ACO2: variants seen among roughly 807,000 people sequenced by gnomAD.
The protein encoded by ACO2 is aconitase 2, also known as aconitate hydratase, mitochondrial.
A neutral mutation model predicts 84.5 loss-of-function variants in ACO2; 31 were observed. That is an observed-to-expected ratio of 0.37 (90% CI 0.28 to 0.50). The LOEUF (loss-of-function observed/expected upper bound fraction) is 0.50, where lower values mean the gene tolerates loss of function less well. ACO2 is among the 20% of genes least tolerant of loss of function. The pLI is 0.97. For missense variants in ACO2, 685 were observed against 1,029.3 expected (o/e 0.67, Z 4.58); for synonymous variants, 414 against 412.7 (o/e 1.00, Z -0.04).
intron 1 of ACO2, among the ~76,000 whole-genome samples, chr22:41,485,541 C>T (rs57116575): frequency 0.012 from 1,757 of 150,046 alleles, 37 homozygotes; most frequent in African/African-American, 0.041. Flanking sequence ...CTCAGGTTCA[C>T]GCCATTCTCC....
chr22:41,483,794 A>G (rs1324264801), intron 1 of ACO2, among the ~76,000 whole-genome samples: 3 of 152,188 alleles, frequency 2.0e-5, no homozygotes, highest in South Asian at 2.1e-4. Context: ...GATGGCAGAT[A>G]CTTGAGGATG....
At chr22:41,484,640 G>C (rs1003862139) in intron 1 of ACO2, among the ~76,000 whole-genome samples, 7 of 151,366 alleles carry the variant, frequency 4.6e-5, no homozygotes, top group African/African-American at 1.7e-4. Flanking sequence ...GCCTCTCAAA[G>C]TGCTGGAATT....
At position 41,518,627 on chromosome 22, in the gene ACO2, G is replaced by T. The variant is rs560611823; in HGVS notation, c.1032+55G>T. On this transcript the variant is annotated intron_variant, in intron 8 of 17. Transcript: ENST00000216254. ...GTTTCTGAGAGTAGTGGGGAGCAGG[G>T]CGGGTCCTGCCTAAATACTCACTGA... 6.5e-6 allele frequency: 9 copies of T among 1,378,760 alleles called. No homozygotes were observed. The African/African-American group carries it at 1.3e-4, about 20-fold the overall frequency. 85.4% of individuals were successfully genotyped at this position (1,378,760 alleles called of 1,614,324 possible).
Position 41,515,343 on chromosome 22 carries a change from G to A in ACO2, c.526-34G>A, listed in dbSNP as rs770924492. On this transcript the variant is annotated intron_variant, in intron 4 of 17. Coordinates refer to ENST00000216254, the MANE Select transcript of ACO2 (RefSeq NM_001098.3). This position sits in a 1 kb window ranked among gnomAD's most constrained non-coding sequence, Gnocchi z 5.8. The stretch of plus-strand genomic sequence containing the variant: ...CATTTTTTGGTATTCTCGGCTGAGG[G>A]CTTCTAAATATAACATCTTGGATTA... 2 of 1,611,746 alleles carry A rather than the reference G, an allele frequency of 1.2e-6. No homozygotes were observed. Among genetic ancestry groups the A allele is most frequent in the Non-Finnish European group, 1.7e-6 (2 of 1,179,734 alleles).
At chr22:41,518,279 T>G (rs2066491525) in intron 7 of ACO2, among the ~76,000 whole-genome samples, 1 of 152,230 alleles carries the variant, frequency 6.6e-6, no homozygotes, top group Non-Finnish European at 1.5e-5. Flanking sequence ...GCGCTCCTCC[T>G]CTGTGTCTCC....
intron 15 of ACO2, 137 bp downstream of exon 15, chr22:41,526,590 G>A: frequency 1.0e-6 from 1 of 957,536 alleles, no homozygotes; most frequent in African/African-American, 1.7e-5. Context: ...GTGGAAGGGA[G>A]GAGAGGCCTG....
chr22:41,485,776 C>T (rs1023816586), intron 1 of ACO2, among the ~76,000 whole-genome samples: 4 of 151,830 alleles, frequency 2.6e-5, no homozygotes, highest in African/African-American at 9.7e-5. Flanking sequence ...TAGTACAGAC[C>T]GGGTTTCTCC....
intron 2 of ACO2, among the ~76,000 whole-genome samples, chr22:41,506,681 C>A (rs1208344178): frequency 6.6e-6 from 1 of 152,142 alleles, no homozygotes. Flanking sequence ...CCACACCAGG[C>A]CCCCAGGTCA....
chr22:41,515,981 G>C lies in ACO2; in HGVS notation c.835+64G>C. On this transcript the variant is annotated intron_variant, in intron 6 of 17. Coordinates refer to ENST00000216254, the MANE Select transcript of ACO2 (RefSeq NM_001098.3). The surrounding 1 kb of genome is among the most constrained non-coding windows in gnomAD (Gnocchi z 5.8). ...GCTGGGCCTGATGGGTCTCCAGTTG[G>C]GAGTAGAAGCGGTGAATGGCCTTCA... 2 of 1,568,128 alleles carry C rather than the reference G, an allele frequency of 1.3e-6. No homozygotes were observed. The highest frequency in any genetic ancestry group is 1.7e-6 in the Non-Finnish European group (2 of 1,154,002).
rs753220123 is a variant in ACO2 at position 41,515,984 on chromosome 22, G to T, written c.835+67G>T. On this transcript the variant is annotated intron_variant, in intron 6 of 17. Coordinates refer to ENST00000216254, the MANE Select transcript of ACO2 (RefSeq NM_001098.3). The surrounding 1 kb of genome is among the most constrained non-coding windows in gnomAD (Gnocchi z 5.8). ...GGGCCTGATGGGTCTCCAGTTGGGA[G>T]TAGAAGCGGTGAATGGCCTTCACTT... The T allele has an allele frequency of 1.3e-5, 20 of 1,558,850 alleles. No homozygotes were observed. In the East Asian group the frequency reaches 3.8e-4, roughly 30 times the overall value.
chr22:41,510,601 A>G (rs2066426454), intron 3 of ACO2, among the ~76,000 whole-genome samples: 1 of 152,172 alleles, frequency 6.6e-6, no homozygotes, highest in South Asian at 2.1e-4. Flanking sequence ...CCCATGCCGG[A>G]GGCTGGCAGG....
intron 9 of ACO2, among the ~76,000 whole-genome samples, chr22:41,522,200 T>A (rs1312256935): frequency 6.6e-6 from 1 of 152,166 alleles, no homozygotes; most frequent in Non-Finnish European, 1.5e-5. Flanking sequence ...GGTGTGGTGG[T>A]ACTCACCTGT....
intron 2 of ACO2, among the ~76,000 whole-genome samples, chr22:41,504,030 A>G (rs961913229): frequency 6.6e-6 from 1 of 152,188 alleles, no homozygotes; most frequent in South Asian, 2.1e-4. Flanking sequence ...CCTGGCCAAC[A>G]TGGTGAAACA....
At chr22:41,475,853 G>T (rs1017928487) in intron 1 of ACO2, among the ~76,000 whole-genome samples, 1 of 150,172 alleles carries the variant, frequency 6.7e-6, no homozygotes, top group African/African-American at 2.5e-5. Context: ...AGCCGAGATC[G>T]CGCCACTGCA....
intron 1 of ACO2, among the ~76,000 whole-genome samples, chr22:41,496,736 C>A (rs113683585): frequency 6.6e-6 from 1 of 152,120 alleles, no homozygotes; most frequent in Non-Finnish European, 1.5e-5. Context: ...AGTGAGGAGC[C>A]ATCAGTCAGG....
rs769434569 is a variant in ACO2, at chr22:41,507,783, C to A, written c.174-8C>A. 4 of 1,611,784 alleles carry A rather than the reference C, an allele frequency of 2.5e-6. No individual in the cohort carries two copies. Among genetic ancestry groups the A allele is most frequent in the East Asian group, 4.5e-5 (2 of 44,858 alleles). On this transcript the variant is annotated splice_polypyrimidine_tract_variant and splice_region_variant and intron_variant, in intron 2 of 17. Coordinates refer to ENST00000216254, the MANE Select transcript of ACO2 (RefSeq NM_001098.3). ...CACCAGGCCACCCTTCTGCTCTTCT[C>A]CCCACAGACTGAACCGGCCGCTGAC... is the stretch of plus-strand genomic sequence containing the variant.
intron 2 of ACO2, among the ~76,000 whole-genome samples, chr22:41,500,607 A>G (rs2066347600): frequency 6.6e-6 from 1 of 152,150 alleles, no homozygotes; most frequent in African/African-American, 2.4e-5. Context: ...CTGGTCTCGA[A>G]TTCCTGAGCT....
intron 1 of ACO2, among the ~76,000 whole-genome samples, chr22:41,496,269 C>T (rs1449180548): frequency 2.0e-5 from 3 of 151,918 alleles, no homozygotes; most frequent in Admixed American, 6.6e-5. Context: ...GAGCTGAGAT[C>T]GTGCCACTAC....
chr22:41,527,506 G>T, intron 16 of ACO2, 86 bp downstream of exon 16: 13 of 1,520,252 alleles, frequency 8.6e-6, no homozygotes, highest in Non-Finnish European at 1.1e-5. Context: ...AGTTGGGCCT[G>T]GTTCTAGGCT....
Sources: allele counts gnomAD v4.1 joint callset (sites outside exome capture counted in the v4.1 genomes callset), GRCh38; gene constraint gnomAD v4.1.1; non-coding constraint Gnocchi (gnomAD v3.1); transcripts MANE v1.5; gene names NCBI Gene and HGNC (gene_info 2026-07-23, HGNC 2026-07-21).